Variants in C3orf70 observed in about 807,000 individuals in gnomAD.
The protein encoded by C3orf70 is chromosome 3 open reading frame 70.
A neutral mutation model predicts 20.7 loss-of-function variants in C3orf70; 15 were observed. That is an observed-to-expected ratio of 0.72 (90% confidence interval 0.48 to 1.11). The LOEUF (loss-of-function observed/expected upper bound fraction) is 1.11. Ranked by LOEUF, C3orf70 falls within the 50% of genes most tolerant of loss-of-function variation. The probability of loss-of-function intolerance (pLI) is 0.00; values close to 1 mark genes in which losing one functional copy is unlikely to be tolerated. For synonymous variants in C3orf70, 161 were observed against 125.7 expected (o/e 1.28, Z -1.88); for missense variants, 332 against 317.6 (o/e 1.05, Z -0.34).
In C3orf70 at chr3:185,122,085, C is replaced by T. The variant is rs182957769; in HGVS notation, c.196+30543G>A. On this transcript the variant is annotated intron_variant, in intron 1 of 1. Transcript: ENST00000335012. ...CTGCCCTCCAGCCTGGGTGACAGAG[C>T]GAGACTCCGTCTCAAAAAAAAAAAA... is the stretch of plus-strand genomic sequence containing the variant. Among the ~76,000 whole-genome samples the T allele has an allele frequency of 9.0e-4, 119 of 131,648 alleles. No individual in the cohort carries two copies. The Middle Eastern group carries it at 0.014, about 15-fold the overall frequency. The allele number at this position is 131,648 out of a possible 152,430, so 86.4% of individuals were successfully genotyped here.
chr3:185,106,962 A>T (rs1715957768), intron 1 of C3orf70, among the ~76,000 whole-genome samples: 1 of 152,220 alleles, frequency 6.6e-6, no homozygotes, highest in Non-Finnish European at 1.5e-5. Flanking sequence ...ACAGCTCCTG[A>T]TTGTGCCGTA....
intron 1 of C3orf70, among the ~76,000 whole-genome samples, chr3:185,102,499 G>C (rs1715842109): frequency 1.3e-5 from 2 of 152,200 alleles, no homozygotes; most frequent in Admixed American, 1.3e-4. Context: ...GCAATTTATA[G>C]ATTCAATGCT....
intron 1 of C3orf70, among the ~76,000 whole-genome samples, chr3:185,106,906 C>T (rs138806679): frequency 0.052 from 7,856 of 152,212 alleles, 634 homozygotes; most frequent in African/African-American, 0.18. Context: ...CAAATTGTTA[C>T]ATCTACTTCT....
At chr3:185,108,762 C>T (rs998919316) in intron 1 of C3orf70, among the ~76,000 whole-genome samples, 1 of 152,222 alleles carries the variant, frequency 6.6e-6, no homozygotes, top group African/African-American at 2.4e-5. Context: ...AGTTAATCCT[C>T]GAGGACTGGA....
At position 185,077,493 on chromosome 3, in the gene C3orf70, AATTAAT is replaced by A. The variant is rs1218642552; in HGVS notation, c.*5508_*5513del. ...AAGCTTAAGGTAGCCATTGAACTAT[AATTAAT>A]ATTAACAAGGATTTTATTACTGATA... On this transcript the variant is annotated 3_prime_UTR_variant, in exon 2 of 2. Transcript: ENST00000335012. Among the ~76,000 whole-genome samples the A allele has an allele frequency of 1.3e-5, 2 of 152,136 alleles. No individual in the cohort carries two copies. Among genetic ancestry groups the A allele is most frequent in the African/African-American group, 2.4e-5 (1 of 41,436 alleles).
chr3:185,143,412 A>T (rs1233039665), intron 1 of C3orf70, among the ~76,000 whole-genome samples: 2 of 152,232 alleles, frequency 1.3e-5, no homozygotes, highest in Non-Finnish European at 2.9e-5. Context: ...ACAGAAGTAC[A>T]TCTGTATTAC....
intron 1 of C3orf70, among the ~76,000 whole-genome samples, chr3:185,105,481 C>A (rs1170214137): frequency 6.6e-6 from 1 of 152,248 alleles, no homozygotes; most frequent in African/African-American, 2.4e-5. Context: ...TCATTCGGCC[C>A]ATCCCTTCAT....
intron 1 of C3orf70, among the ~76,000 whole-genome samples, chr3:185,115,200 G>C (rs1372323752): frequency 2.6e-5 from 4 of 152,212 alleles, no homozygotes; most frequent in Admixed American, 2.0e-4. Context: ...CCAAGACTGA[G>C]AGCCAATACA....
intron 1 of C3orf70, among the ~76,000 whole-genome samples, chr3:185,089,195 T>G (rs1715516340): frequency 6.6e-6 from 1 of 151,638 alleles, no homozygotes; most frequent in Non-Finnish European, 1.5e-5. Flanking sequence ...ACTTTTTTCC[T>G]CATTTTTTTT....
intron 1 of C3orf70, among the ~76,000 whole-genome samples, chr3:185,111,357 A>G (rs1024088319): frequency 1.6e-4 from 25 of 152,260 alleles, no homozygotes; most frequent in African/African-American, 6.0e-4. Flanking sequence ...CAAAAGATTT[A>G]TATCAGAATA....
At chr3:185,111,458 T>C (rs1208014567) in intron 1 of C3orf70, among the ~76,000 whole-genome samples, 1 of 152,110 alleles carries the variant, frequency 6.6e-6, no homozygotes, top group Non-Finnish European at 1.5e-5. Flanking sequence ...AGATGGTCAA[T>C]AAGCAAATGA....
At chr3:185,086,187 ATC>A (rs1366512763) in intron 1 of C3orf70, among the ~76,000 whole-genome samples, 1 of 151,632 alleles carries the variant, frequency 6.6e-6, no homozygotes, top group Admixed American at 6.6e-5. Flanking sequence ...TCCTCACTCC[ATC>A]TCTTTTTTTT....
At chr3:185,100,064 A>G (rs992444003) in intron 1 of C3orf70, among the ~76,000 whole-genome samples, 1 of 152,212 alleles carries the variant, frequency 6.6e-6, no homozygotes, top group Non-Finnish European at 1.5e-5. Context: ...GCAAGTTCTT[A>G]GAGACCTAAA....
At chr3:185,099,790 C>A (rs755456806) in intron 1 of C3orf70, among the ~76,000 whole-genome samples, 6 of 152,080 alleles carry the variant, frequency 3.9e-5, no homozygotes, top group Non-Finnish European at 7.3e-5. Flanking sequence ...GAACCAAGAC[C>A]CATTATTATG....
chr3:185,120,042 A>AAAGAAAAAAAAAGAAAGAAAAAGAAG (rs1262865862), intron 1 of C3orf70, among the ~76,000 whole-genome samples: 2 of 151,442 alleles, frequency 1.3e-5, no homozygotes, highest in African/African-American at 4.8e-5. Context: ...AAAAAAAGAA[A>AAAGAAAAAAAAAGAAAGAAAAAGAAG]AAGAAAAAAG....
At position 185,082,966 on chromosome 3, in the gene C3orf70, G is replaced by A. The variant is rs1005250675; in HGVS notation, c.*41C>T. On this transcript the variant is annotated 3_prime_UTR_variant, in exon 2 of 2. Transcript: ENST00000335012. ...GGATCCACCAGACAAAGGTACAAAA[G>A]CTCGGCGTGGGTCCGAGGCTGTGGC... 67 of 1,569,762 alleles carry A rather than the reference G, an allele frequency of 4.3e-5. No individual in the cohort carries two copies. The highest frequency in any genetic ancestry group is 5.7e-5 in the Non-Finnish European group (66 of 1,156,962).
chr3:185,089,421 C>T (rs1282670294), intron 1 of C3orf70, among the ~76,000 whole-genome samples: 1 of 152,162 alleles, frequency 6.6e-6, no homozygotes, highest in Non-Finnish European at 1.5e-5. Context: ...TCTTTACTTT[C>T]TGGCAGTAGA....
At chr3:185,090,747 G>C (rs190307636) in intron 1 of C3orf70, among the ~76,000 whole-genome samples, 25 of 152,212 alleles carry the variant, frequency 1.6e-4, no homozygotes, top group Admixed American at 5.2e-4. Context: ...AATGAACTTA[G>C]TATTTATTAT....
chr3:185,129,681 T>C (rs1330184483), intron 1 of C3orf70, among the ~76,000 whole-genome samples: 1 of 152,250 alleles, frequency 6.6e-6, no homozygotes, highest in Non-Finnish European at 1.5e-5. Context: ...CCACTAACAG[T>C]GCAGAAGCAT....
Sources: gnomAD v4.1 joint callset for allele counts (sites outside exome capture counted in the v4.1 genomes callset) on GRCh38, gnomAD v4.1.1 for gene constraint, MANE v1.5 for transcripts, NCBI Gene and HGNC (gene_info 2026-07-23, HGNC 2026-07-21) for gene names.